The following DENND1A variants were observed in gnomAD, a reference collection of about 807,000 sequenced individuals.
The protein encoded by DENND1A is DENN domain-containing protein 1A.
DENND1A carries 51 observed loss-of-function variants against 113.7 expected under a neutral mutation model. The observed-to-expected ratio is 0.45, with a 90% CI of 0.36 to 0.57. DENND1A has a LOEUF of 0.57. Ranked by LOEUF, DENND1A falls within the 20% of genes least tolerant of loss-of-function variation. DENND1A has a pLI of 0.00. For synonymous variants in DENND1A, 565 were observed against 570.8 expected, an observed-to-expected ratio of 0.99 and a Z score of 0.14; for missense variants, 1,258 against 1,395.9, an observed-to-expected ratio of 0.90 and a Z score of 1.57.
At chr9:123,911,251 T>C (rs1417842501) in intron 1 of DENND1A, among the ~76,000 whole-genome samples, 1 of 152,170 alleles carries the variant, frequency 6.6e-6, no homozygotes. Context: ...TAATGGCTAA[T>C]AATATGGCTA....
chr9:123,485,779 G>A (rs1462823230), intron 13 of DENND1A, among the ~76,000 whole-genome samples: 1 of 152,212 alleles, frequency 6.6e-6, no homozygotes, highest in Non-Finnish European at 1.5e-5. Flanking sequence ...TGAGGAGCAT[G>A]TGCTGGTTTT....
intron 5 of DENND1A, among the ~76,000 whole-genome samples, chr9:123,696,025 T>C (rs1358718415): frequency 1.3e-5 from 2 of 150,880 alleles, no homozygotes; most frequent in African/African-American, 4.9e-5. Flanking sequence ...GGCACCTTTG[T>C]CTGGGTCCGG....
Position 123,757,779 on chromosome 9 carries a change from T to A in DENND1A, c.226A>T (p.Thr76Ser). 2 of 1,614,078 alleles carry A rather than the reference T, an allele frequency of 1.2e-6. No homozygotes were observed. Among genetic ancestry groups the A allele is most frequent in the South Asian group, 2.2e-5 (2 of 91,088 alleles). Reference protein sequence around the residue: ...QVGQNFTFVLTDIDSKQRFGF... With the variant: ...QVGQNFTFVLSDIDSKQRFGF... ...AATCTCTGTTTGCTGTCAATGTCAG[T>A]GAGCACGAATGTGAAGTTCTGGCCA... is the stretch of plus-strand genomic sequence containing the variant. Residue 76 changes from threonine to serine, a missense_variant, in exon 5 of 24, where the codon ACT becomes TCT. This residue lies in a region of DENND1A where 99 missense variants were observed against 164.2 expected (regional missense o/e 0.60). Coordinates refer to ENST00000394215, the MANE Select transcript of DENND1A (RefSeq NM_001352964.2).
rs375535777 is a variant in DENND1A, at chr9:123,848,228, TAAAAAAAA to T, written c.88+30715_88+30722del. ...TTATTGCACTTCAAAGATACTGCTT[TAAAAAAAA>T]AAAAAAAAAAAAAAAAAAAAACAAA... On this transcript the variant is annotated intron_variant, in intron 2 of 23. Coordinates refer to ENST00000394215, the MANE Select transcript of DENND1A (RefSeq NM_001352964.2). Among the ~76,000 whole-genome samples, 219 of 60,516 alleles carry T rather than the reference TAAAAAAAA, an allele frequency of 3.6e-3. 1 individual carries two copies. In the East Asian group the frequency reaches 0.06, roughly 17 times the overall value. 39.7% of individuals were successfully genotyped at this position (60,516 alleles called of 152,430 possible).
intron 19 of DENND1A, among the ~76,000 whole-genome samples, chr9:123,434,543 C>G (rs1411073251): frequency 1.3e-5 from 2 of 152,248 alleles, no homozygotes; most frequent in Non-Finnish European, 2.9e-5. Context: ...AGGATGTGCA[C>G]TGACTGCCAG....
At chr9:123,448,344 C>G (rs1405632208) in intron 18 of DENND1A, among the ~76,000 whole-genome samples, 1 of 152,184 alleles carries the variant, frequency 6.6e-6, no homozygotes, top group Non-Finnish European at 1.5e-5. Context: ...GGGGATTTTC[C>G]TAAGGCCAGA....
At chr9:123,819,086 C>T (rs1200886435) in intron 2 of DENND1A, among the ~76,000 whole-genome samples, 2 of 152,188 alleles carry the variant, frequency 1.3e-5, no homozygotes, top group Non-Finnish European at 2.9e-5. Flanking sequence ...TGGGCTTCAA[C>T]AAGCTCTTCA....
chr9:123,581,505 G>A (rs1213003090), intron 12 of DENND1A, among the ~76,000 whole-genome samples: 3 of 152,024 alleles, frequency 2.0e-5, no homozygotes, highest in African/African-American at 7.2e-5. Flanking sequence ...TGTGCCTACG[G>A]TCCCAGCTAC....
intron 13 of DENND1A, among the ~76,000 whole-genome samples, chr9:123,526,407 T>G (rs749781585): frequency 4.6e-5 from 7 of 152,216 alleles, no homozygotes; most frequent in South Asian, 2.1e-4. Flanking sequence ...AGGTGCTCTC[T>G]CATCAGCATT....
intron 2 of DENND1A, among the ~76,000 whole-genome samples, chr9:123,829,100 T>C (rs1008046512): frequency 2.0e-5 from 3 of 152,178 alleles, no homozygotes; most frequent in Non-Finnish European, 4.4e-5. Flanking sequence ...AACAGCTACC[T>C]ACTTCTCCTC....
chr9:123,506,599 A>AAAAAAAAAAAT (rs2052969515), intron 13 of DENND1A, among the ~76,000 whole-genome samples: 1 of 151,256 alleles, frequency 6.6e-6, no homozygotes, highest in African/African-American at 2.4e-5. Flanking sequence ...AAAAAAAAAA[A>AAAAAAAAAAAT]AAAAAGAATT....
At chr9:123,464,463 G>A (rs754000195) in intron 13 of DENND1A, among the ~76,000 whole-genome samples, 1 of 152,188 alleles carries the variant, frequency 6.6e-6, no homozygotes, top group African/African-American at 2.4e-5. Context: ...GACATTACGT[G>A]AAGTGAAATA....
chr9:123,635,404 G>A (rs759165663), intron 9 of DENND1A, among the ~76,000 whole-genome samples: 10 of 152,196 alleles, frequency 6.6e-5, no homozygotes, highest in Non-Finnish European at 1.0e-4. Context: ...GACAGAACTG[G>A]GACTCACATC....
At chr9:123,680,375 C>T (rs1019556858) in intron 5 of DENND1A, among the ~76,000 whole-genome samples, 6 of 152,200 alleles carry the variant, frequency 3.9e-5, no homozygotes, top group African/African-American at 9.7e-5. Flanking sequence ...CTTCCCGATC[C>T]GGGGTCCCAC....
chr9:123,660,699 T>C (rs1176739569), intron 8 of DENND1A, among the ~76,000 whole-genome samples: 1 of 152,258 alleles, frequency 6.6e-6, no homozygotes, highest in African/African-American at 2.4e-5. Flanking sequence ...CATACATTTA[T>C]CTTTTCTCTC....
At chr9:123,767,745 T>G (rs1242526237) in intron 4 of DENND1A, among the ~76,000 whole-genome samples, 1 of 152,078 alleles carries the variant, frequency 6.6e-6, no homozygotes, top group African/African-American at 2.4e-5. Context: ...TTAGTAAACA[T>G]TAATAGGATT....
chr9:123,725,401 C>T (rs528313949), intron 5 of DENND1A, among the ~76,000 whole-genome samples: 94 of 152,310 alleles, frequency 6.2e-4, no homozygotes, highest in Admixed American at 5.2e-3. Context: ...GGCAGCTGCC[C>T]GGGACTACAG....
chr9:123,803,873 G>A (rs56861325), intron 2 of DENND1A, among the ~76,000 whole-genome samples: 4,915 of 152,228 alleles, frequency 0.032, 259 homozygotes, highest in African/African-American at 0.11. Flanking sequence ...TGACAACCAA[G>A]CTTTCACCTC....
intron 13 of DENND1A, chr9:123,485,650 GCGCGCGCACACACA>G (rs1355231628): frequency 7.8e-6 from 1 of 127,462 alleles, no homozygotes; most frequent in Admixed American, 7.2e-5. Context: ...ACACACGCGC[GCGCGCGCACACACA>G]CACACACACA....
Sources: gnomAD v4.1 joint callset for allele counts (sites outside exome capture counted in the v4.1 genomes callset) on GRCh38, gnomAD v4.1.1 for gene constraint, gnomAD v4.1.1 regional missense constraint, MANE v1.5 for transcripts, NCBI Gene and HGNC (gene_info 2026-07-23, HGNC 2026-07-21) for gene names.